NRG3: variants seen among roughly 807,000 people sequenced by gnomAD.
NRG3 encodes pro-neuregulin-3, membrane-bound isoform.
In NRG3, 31 loss-of-function variants were observed where a neutral mutation model predicts 66.9. The ratio of observed to expected loss-of-function variants is 0.46; its 90% CI spans 0.35 to 0.63. The LOEUF (loss-of-function observed/expected upper bound fraction) is 0.63. Ranked by LOEUF, NRG3 falls within the 20% of genes least tolerant of loss-of-function variation. The pLI is 0.00. For missense variants in NRG3, 910 were observed against 878.9 expected (o/e 1.04, Z -0.45); for synonymous variants, 393 against 359.4 (o/e 1.09, Z -1.06).
intron 1 of NRG3, among the ~76,000 whole-genome samples, chr10:81,999,871 AAACTGAATCCAG>A (rs1445943509): frequency 2.0e-5 from 3 of 152,204 alleles, no homozygotes; most frequent in African/African-American, 7.2e-5. Flanking sequence ...CAGGGAGTAT[AAACTGAATCCAG>A]ACACTTGCTT....
intron 1 of NRG3, among the ~76,000 whole-genome samples, chr10:82,017,150 G>A (rs1455984782): frequency 6.6e-6 from 1 of 152,044 alleles, no homozygotes; most frequent in Non-Finnish European, 1.5e-5. Flanking sequence ...TGTTCTCATT[G>A]TTCAATTCCC....
At chr10:82,914,223 T>A (rs1845613089) in intron 4 of NRG3, among the ~76,000 whole-genome samples, 1 of 152,174 alleles carries the variant, frequency 6.6e-6, no homozygotes, top group African/African-American at 2.4e-5. Context: ...ATTAGATCCT[T>A]TGGCCTAACA....
chr10:81,931,686 A>G lies in NRG3; in HGVS notation c.823+55523A>G, dbSNP rs41357844. On this transcript the variant is annotated intron_variant, in intron 1 of 8. Coordinates refer to ENST00000372141, the MANE Select transcript of NRG3 (RefSeq NM_001010848.4). The stretch of plus-strand genomic sequence containing the variant: ...TTACTATTCATTCTCTAAAAGCCCA[A>G]CTAAACAAAACACAATCAGATGAAC... 6.7e-3 allele frequency among the ~76,000 whole-genome samples: 1,022 copies of G among 152,322 alleles called. 13 individuals are homozygous for G. Among genetic ancestry groups the G allele is most frequent in the African/African-American group, 0.023 (963 of 41,574 alleles).
intron 1 of NRG3, among the ~76,000 whole-genome samples, chr10:82,122,906 T>G (rs2068186764): frequency 6.6e-6 from 1 of 152,086 alleles, no homozygotes; most frequent in South Asian, 2.1e-4. Context: ...TCTTAATCTC[T>G]CTTTCTGTCT....
intron 2 of NRG3, among the ~76,000 whole-genome samples, chr10:82,563,563 A>G (rs932051069): frequency 5.3e-5 from 8 of 151,922 alleles, no homozygotes; most frequent in African/African-American, 7.2e-5. Context: ...GTGAATATTT[A>G]TATTTTTATT....
chr10:82,632,255 C>T (rs1381482058), intron 2 of NRG3, among the ~76,000 whole-genome samples: 1 of 152,128 alleles, frequency 6.6e-6, no homozygotes, highest in African/African-American at 2.4e-5. Flanking sequence ...CCATAAATGG[C>T]CTTTGGGCAT....
chr10:82,422,339 C>G (rs1287333016), intron 2 of NRG3, among the ~76,000 whole-genome samples: 3 of 151,958 alleles, frequency 2.0e-5, no homozygotes, highest in African/African-American at 7.2e-5. Context: ...AAACAAGATT[C>G]CAGAATTTGT....
intron 1 of NRG3, among the ~76,000 whole-genome samples, chr10:82,002,841 G>A (rs2061226967): frequency 6.6e-6 from 1 of 152,118 alleles, no homozygotes; most frequent in African/African-American, 2.4e-5. Flanking sequence ...CATGGCAAAT[G>A]TATGATTTGT....
chr10:82,867,321 G>A (rs1840851964), intron 4 of NRG3, among the ~76,000 whole-genome samples: 1 of 152,190 alleles, frequency 6.6e-6, no homozygotes, highest in Admixed American at 6.6e-5. Context: ...CAGAGCTGAT[G>A]CATACCCAAT....
intron 1 of NRG3, among the ~76,000 whole-genome samples, chr10:81,998,925 T>C (rs1169504242): frequency 1.3e-5 from 2 of 152,130 alleles, no homozygotes; most frequent in Non-Finnish European, 2.9e-5. Flanking sequence ...CCACTGATTC[T>C]CCTGTCTCAG....
At chr10:82,489,238 A>AT (rs1842913392) in intron 2 of NRG3, among the ~76,000 whole-genome samples, 1 of 152,170 alleles carries the variant, frequency 6.6e-6, no homozygotes, top group Admixed American at 6.5e-5. Context: ...CAGTTCCTAT[A>AT]TTTTTTAACA....
intron 2 of NRG3, among the ~76,000 whole-genome samples, chr10:82,596,818 G>A (rs1456921485): frequency 1.3e-5 from 2 of 152,140 alleles, no homozygotes; most frequent in East Asian, 3.9e-4. Context: ...AATGCTCCAA[G>A]GGAAAAGACT....
chr10:82,409,394 T>G (rs907829501), intron 2 of NRG3, among the ~76,000 whole-genome samples: 3 of 152,108 alleles, frequency 2.0e-5, no homozygotes, highest in Non-Finnish European at 4.4e-5. Flanking sequence ...AAATTAGCAC[T>G]CCATTAAGAA....
chr10:82,737,020 A>C (rs1456407186), intron 2 of NRG3, among the ~76,000 whole-genome samples: 1 of 51,334 alleles, frequency 1.9e-5, no homozygotes, highest in Non-Finnish European at 4.4e-5. Flanking sequence ...TTCAGAAAAC[A>C]AGAATTTATT....
At position 82,122,072 on chromosome 10, in the gene NRG3, C is replaced by A. The variant is rs1338150656; in HGVS notation, c.824-236667C>A. Among the ~76,000 whole-genome samples the A allele has an allele frequency of 1.3e-5, 2 of 152,200 alleles. 1 individual carries two copies. The highest frequency in any genetic ancestry group is 6.8e-3 in the Middle Eastern group (2 of 294). On this transcript the variant is annotated intron_variant, in intron 1 of 8. Transcript: ENST00000372141. ...AGGTCATACTGTGGTTCAGTCTCAT[C>A]GGTAAAATGAGGCTAACAATAGCAC...
chr10:82,054,037 G>A (rs2063721673), intron 1 of NRG3, among the ~76,000 whole-genome samples: 1 of 152,176 alleles, frequency 6.6e-6, no homozygotes, highest in African/African-American at 2.4e-5. Context: ...TAGGATATGA[G>A]GTCGGAGAAG....
chr10:82,245,978 G>GTTTTTTTTTGT (rs2077220453), intron 1 of NRG3, among the ~76,000 whole-genome samples: 1 of 103,274 alleles, frequency 9.7e-6, no homozygotes, highest in Non-Finnish European at 1.9e-5. Flanking sequence ...CAGTCTTCTG[G>GTTTTTTTTTGT]TTTTTTTTTT....
At chr10:82,259,666 G>A (rs1306988732) in intron 1 of NRG3, among the ~76,000 whole-genome samples, 4 of 152,186 alleles carry the variant, frequency 2.6e-5, no homozygotes, top group Non-Finnish European at 4.4e-5. Context: ...GGTGGCTCAT[G>A]CCTGTAATCC....
rs1291210923 is a variant in NRG3, at chr10:82,309,215, G to A, written c.824-49524G>A. 7.2e-5 allele frequency among the ~76,000 whole-genome samples: 11 copies of A among 152,226 alleles called. No homozygotes were observed. In the South Asian group the frequency reaches 1.9e-3, roughly 26 times the overall value. On this transcript the variant is annotated intron_variant, in intron 1 of 8. Transcript: ENST00000372141. ...GCACAGATGTATTTAAGCCACGATC[G>A]CCCATTCTCCCTCCTAATTTTGCCT...
Sources: allele counts gnomAD v4.1 joint callset (sites outside exome capture counted in the v4.1 genomes callset), GRCh38; gene constraint gnomAD v4.1.1; transcripts MANE v1.5; gene names NCBI Gene and HGNC (gene_info 2026-07-23, HGNC 2026-07-21).